The following DYNC1LI1 variants were observed in gnomAD, a reference collection of about 807,000 sequenced individuals.
DYNC1LI1 encodes the protein cytoplasmic dynein 1 light intermediate chain 1.
Under a neutral mutation model 63.8 loss-of-function variants are expected in DYNC1LI1, and 19 were observed. The ratio of observed to expected loss-of-function variants is 0.30; its 90% CI spans 0.21 to 0.44. DYNC1LI1 has a LOEUF of 0.44. Ranked by LOEUF, DYNC1LI1 falls within the 20% of genes least tolerant of loss-of-function variation. The pLI, the probability that DYNC1LI1 is intolerant of heterozygous loss-of-function variation, is 1.00. For missense variants in DYNC1LI1, 565 were observed against 630.2 expected, an observed-to-expected ratio of 0.90 and a Z score of 1.11; for synonymous variants, 225 against 232.3, an observed-to-expected ratio of 0.97 and a Z score of 0.28.
intron 11 of DYNC1LI1, among the ~76,000 whole-genome samples, chr3:32,528,961 T>G (rs1697659074): frequency 6.6e-6 from 1 of 152,106 alleles, no homozygotes; most frequent in African/African-American, 2.4e-5. Context: ...TGAAAACCGG[T>G]AGAAGTTGCC....
chr3:32,562,401 G>A (rs1164667018), intron 2 of DYNC1LI1, among the ~76,000 whole-genome samples: 1 of 152,164 alleles, frequency 6.6e-6, no homozygotes, highest in Non-Finnish European at 1.5e-5. Context: ...GTGCAGTGGT[G>A]TGATCACAGC....
intron 4 of DYNC1LI1, among the ~76,000 whole-genome samples, chr3:32,542,469 C>T (rs952721895): frequency 2.5e-4 from 37 of 145,540 alleles, no homozygotes; most frequent in Admixed American, 2.5e-3. Context: ...AATGCAGTGG[C>T]GCAATCTCAC....
intron 3 of DYNC1LI1, 118 bp downstream of exon 3, chr3:32,545,731 G>T: frequency 1.3e-6 from 1 of 755,740 alleles, no homozygotes; most frequent in Non-Finnish European, 2.3e-6. Context: ...TTCTTGACCA[G>T]CATGACATCA....
intron 2 of DYNC1LI1, among the ~76,000 whole-genome samples, chr3:32,561,806 A>T (rs888175348): frequency 6.6e-6 from 1 of 152,014 alleles, no homozygotes; most frequent in Non-Finnish European, 1.5e-5. Flanking sequence ...TAATTATGGT[A>T]TATCTATATA....
At chr3:32,542,270 A>G (rs1697892752) in intron 4 of DYNC1LI1, among the ~76,000 whole-genome samples, 2 of 152,028 alleles carry the variant, frequency 1.3e-5, no homozygotes. Context: ...CACCTGGCTA[A>G]CTTTTTATTT....
Position 32,545,884 on chromosome 3 carries a change from T to C in DYNC1LI1, c.302A>G (p.Tyr101Cys). The change falls in exon 3 of 13, where the codon TAT (tyrosine) becomes TGT (cysteine). Residue 101 changes from tyrosine (Y) to cysteine (C), a missense_variant. Tyr to Cys is a radical substitution (Grantham distance 194). Coordinates refer to ENST00000273130, the MANE Select transcript of DYNC1LI1 (RefSeq NM_016141.4). ...EEYKKGRGLE[Y>C]LYLNVHDEDR... ...TTCATCATGCACATTTAAGTACAAA[T>C]ATTCCAATCCTCTTCCTTTCTTATA... 1 of 1,612,542 alleles carries C rather than the reference T, an allele frequency of 6.2e-7. No homozygotes were observed. The highest frequency in any genetic ancestry group is 8.5e-7 in the Non-Finnish European group (1 of 1,178,846).
intron 6 of DYNC1LI1, among the ~76,000 whole-genome samples, chr3:32,534,854 A>G (rs1300861937): frequency 6.6e-6 from 1 of 152,140 alleles, no homozygotes; most frequent in African/African-American, 2.4e-5. Context: ...TACATAATCA[A>G]TTTAACTTAG....
At chr3:32,568,910 AAT>A in intron 2 of DYNC1LI1, among the ~76,000 whole-genome samples, 1 of 152,274 alleles carries the variant, frequency 6.6e-6, no homozygotes, top group South Asian at 2.1e-4. Flanking sequence ...TATATTATAC[AAT>A]TTTTTTTTGC....
intron 4 of DYNC1LI1, among the ~76,000 whole-genome samples, chr3:32,543,845 G>A (rs1201668025): frequency 1.3e-5 from 2 of 151,122 alleles, no homozygotes; most frequent in South Asian, 2.1e-4. Context: ...AAGGTGGATC[G>A]CTTGAGCTCA....
chr3:32,540,063 G>C (rs1263939016), intron 5 of DYNC1LI1, among the ~76,000 whole-genome samples: 3 of 149,836 alleles, frequency 2.0e-5, no homozygotes, highest in Non-Finnish European at 3.0e-5. Context: ...TAGAGGAGGG[G>C]TTTCACCGTT....
chr3:32,540,742 A>C (rs1227718800), intron 5 of DYNC1LI1, among the ~76,000 whole-genome samples: 1 of 151,964 alleles, frequency 6.6e-6, no homozygotes, highest in Admixed American at 6.6e-5. Context: ...ATAAACTATC[A>C]TTTTACCTGT....
At chr3:32,568,679 T>G (rs1488821846) in intron 2 of DYNC1LI1, among the ~76,000 whole-genome samples, 1 of 152,158 alleles carries the variant, frequency 6.6e-6, no homozygotes, top group Non-Finnish European at 1.5e-5. Flanking sequence ...ACTGCCACTT[T>G]TGTTTTACCA....
Position 32,530,278 on chromosome 3 carries a change from A to G in DYNC1LI1, c.1185+6T>C. The G allele has an allele frequency of 6.2e-7, 1 of 1,603,196 alleles. No individual in the cohort carries two copies. Among genetic ancestry groups the G allele is most frequent in the Non-Finnish European group, 8.5e-7 (1 of 1,177,002 alleles). On this transcript the variant is annotated splice_donor_region_variant and intron_variant, in intron 10 of 12. Transcript: ENST00000273130. ...TAATCATTTTGTCAAAATTTGTAAT[A>G]CTGACCACAGGCCTTCCAGCTGCAG...
chr3:32,528,523 G>C lies in DYNC1LI1; in HGVS notation c.1385C>G (p.Pro462Arg). ...LSKKTGSPGGPGVSGGSPAGG... is the reference protein window; with the variant it reads ...LSKKTGSPGGRGVSGGSPAGG... ...TGCAGGGCTACCACCACTCACACCA[G>C]GGCCTCCTGGAGAGCCAGTCTTTTT... Residue 462 changes from proline (P) to arginine (R), a missense_variant, in exon 12 of 13, where the codon CCT becomes CGT. By Grantham distance (103) the Pro-to-Arg change is moderately radical. Transcript: ENST00000273130. 1 of 1,614,074 alleles carries C rather than the reference G, an allele frequency of 6.2e-7. No individual in the cohort carries two copies. The highest frequency in any genetic ancestry group is 8.5e-7 in the Non-Finnish European group (1 of 1,179,966).
rs750632491 is a variant in DYNC1LI1 at position 32,526,925 on chromosome 3, G to GAAAAAA, written c.1463-23_1463-18dup. The GAAAAAA allele has an allele frequency of 6.5e-7, 1 of 1,549,382 alleles. No individual in the cohort carries two copies. Reference sequence around the variant, plus strand: ...GCTTCTGGCCTACATTGAAGAAAAAGAAAAAAAACAAGATTTAGATATAAG... The same window carrying GAAAAAA: ...GCTTCTGGCCTACATTGAAGAAAAAGAAAAAAAAAAAAAACAAGATTTAGATATAAG... On this transcript the variant is annotated splice_polypyrimidine_tract_variant and intron_variant, in intron 12 of 12. Transcript: ENST00000273130.
At chr3:32,563,162 T>C (rs940138628) in intron 2 of DYNC1LI1, among the ~76,000 whole-genome samples, 4 of 152,062 alleles carry the variant, frequency 2.6e-5, no homozygotes, top group Non-Finnish European at 4.4e-5. Context: ...ATACATGACA[T>C]GTCTCTAATA....
intron 2 of DYNC1LI1, among the ~76,000 whole-genome samples, chr3:32,558,213 A>G (rs1698141218): frequency 2.0e-5 from 3 of 152,094 alleles, no homozygotes; most frequent in Admixed American, 2.0e-4. Flanking sequence ...AGCCTGGGCA[A>G]CAGAGCAAGA....
intron 4 of DYNC1LI1, 53 bp downstream of exon 4, chr3:32,544,823 C>G: frequency 7.7e-7 from 1 of 1,296,730 alleles, no homozygotes; most frequent in East Asian, 2.3e-5. Context: ...TGATTAAAGT[C>G]AGCCAAGACA....
At chr3:32,556,689 G>A (rs183438451) in intron 2 of DYNC1LI1, among the ~76,000 whole-genome samples, 1 of 152,220 alleles carries the variant, frequency 6.6e-6, no homozygotes, top group Non-Finnish European at 1.5e-5. Context: ...CTACAGGGGT[G>A]TGCCACCATG....
Sources: allele counts gnomAD v4.1 joint callset (sites outside exome capture counted in the v4.1 genomes callset), GRCh38; gene constraint gnomAD v4.1.1; transcripts MANE v1.5; gene names NCBI Gene and HGNC (gene_info 2026-07-23, HGNC 2026-07-21).